The following USP31 variants were observed in gnomAD, a reference collection of about 807,000 sequenced individuals.
USP31 encodes the protein ubiquitin specific peptidase 31, also known as ubiquitin carboxyl-terminal hydrolase 31.
A neutral mutation model predicts 119.4 loss-of-function variants in USP31; 44 were observed. The ratio of observed to expected loss-of-function variants is 0.37; its 90% CI spans 0.29 to 0.47. The LOEUF is 0.47. Among genes scored for constraint, USP31 ranks in the 20% least tolerant of loss-of-function variants. The pLI is 0.99. For synonymous variants in USP31, 749 were observed against 705.6 expected (o/e 1.06, Z -0.97); for missense variants, 1,643 against 1,730.2 (o/e 0.95, Z 0.89).
At chr16:23,078,254 G>C (rs190470868) in intron 13 of USP31, among the ~76,000 whole-genome samples, 41 of 148,022 alleles carry the variant, frequency 2.8e-4, no homozygotes, top group Non-Finnish European at 5.2e-4. Flanking sequence ...GGAGGTTACA[G>C]TGAGCCTAGA....
In USP31 at chr16:23,112,521, G is replaced by C. The variant is rs1036115370; in HGVS notation, c.634-4338C>G. On this transcript the variant is annotated intron_variant, in intron 1 of 15. Transcript: ENST00000219689. ...ACCCGGGAGGCAGAGGTTGCAGTGA[G>C]CTGAGAACGCGCCATTGCACTCCAG... Among the ~76,000 whole-genome samples the C allele has an allele frequency of 2.0e-5, 3 of 152,064 alleles. No individual in the cohort carries two copies. In the East Asian group the frequency reaches 5.8e-4, roughly 29 times the overall value.
intron 13 of USP31, 56 bp from the exon 14 acceptor site, chr16:23,073,936 C>T (rs762114212): frequency 1.3e-5 from 21 of 1,609,504 alleles, no homozygotes; most frequent in South Asian, 9.9e-5. Context: ...CCACTTCATG[C>T]GACCCACAGA....
rs1444558566 is a variant in USP31 at position 23,096,251 on chromosome 16, C to T, written c.1235-5447G>A. Among the ~76,000 whole-genome samples the T allele has an allele frequency of 4.6e-5, 7 of 152,080 alleles. No homozygotes were observed. In the South Asian group the frequency reaches 1.4e-3, roughly 31 times the overall value. On this transcript the variant is annotated intron_variant, in intron 6 of 15. Transcript: ENST00000219689. ...AAAGATCAAAAGAGAAAAAGAAGGC[C>T]ATTACATAATGGTATAGGGATCAAA...
chr16:23,076,379 C>T (rs1446161818), intron 13 of USP31, among the ~76,000 whole-genome samples: 2 of 151,868 alleles, frequency 1.3e-5, no homozygotes, highest in African/African-American at 4.8e-5. Flanking sequence ...AACTAAGACT[C>T]TAAACATCTC....
At chr16:23,089,253 G>A (rs780785633) in intron 7 of USP31, among the ~76,000 whole-genome samples, 5 of 152,084 alleles carry the variant, frequency 3.3e-5, no homozygotes, top group Non-Finnish European at 7.4e-5. Context: ...GCTTGGCTGC[G>A]GTCTCTTCAG....
Position 23,066,846 on chromosome 16 carries a change from G to A in USP31, c.*1200C>T, listed in dbSNP as rs1179085268. ...TCCAAAACCTGCTTGTGAGTTCTGG[G>A]CATGAGATGAAATCTTAAGAACAAA... On this transcript the variant is annotated 3_prime_UTR_variant, in exon 16 of 16. Transcript: ENST00000219689. 2 of 152,142 alleles carry A rather than the reference G, an allele frequency of 1.3e-5. No individual in the cohort carries two copies. Among genetic ancestry groups the A allele is most frequent in the Non-Finnish European group, 2.9e-5 (2 of 68,038 alleles). 9.4% of individuals were successfully genotyped at this position (152,142 alleles called of 1,614,324 possible).
At chr16:23,071,088 C>T (rs191425817) in intron 15 of USP31, among the ~76,000 whole-genome samples, 13 of 152,122 alleles carry the variant, frequency 8.5e-5, no homozygotes, top group Middle Eastern at 3.4e-3. Flanking sequence ...TGTGAGGAGC[C>T]GGAAGGAGCT....
rs1372190479 is a variant in USP31, at chr16:23,068,026, ACACTTTGATTGCAGAAATAT to A, written c.4059_*19del. On this transcript the variant is annotated stop_lost and 3_prime_UTR_variant, in exon 16 of 16. Transcript: ENST00000219689. ...ATAAATAAACATCTTTACAGATAAAACACTTTGATTGCAGAAATATCACTGAGGTTTTTGAGAAGGCCGTG... is the reference window on the plus strand; with the variant it reads ...ATAAATAAACATCTTTACAGATAAAACACTGAGGTTTTTGAGAAGGCCGTG... The A allele has an allele frequency of 6.3e-7, 1 of 1,594,516 alleles. No individual in the cohort carries two copies. The highest frequency in any genetic ancestry group is 8.5e-7 in the Non-Finnish European group (1 of 1,170,596).
At chr16:23,147,135 A>G (rs1228974957) in intron 1 of USP31, among the ~76,000 whole-genome samples, 1 of 151,912 alleles carries the variant, frequency 6.6e-6, no homozygotes. Flanking sequence ...TTTTACAGAT[A>G]GAGTTTCCTG....
chr16:23,076,903 A>C (rs1900600322), intron 13 of USP31, among the ~76,000 whole-genome samples: 1 of 152,228 alleles, frequency 6.6e-6, no homozygotes, highest in South Asian at 2.1e-4. Flanking sequence ...CTACCAGTCC[A>C]CAAGTATAGA....
intron 1 of USP31, among the ~76,000 whole-genome samples, chr16:23,112,305 A>G (rs573526457): frequency 1.4e-4 from 21 of 152,278 alleles, no homozygotes; most frequent in African/African-American, 4.8e-4. Context: ...CGGCCCGGAC[A>G]TGGTGGCTCA....
intron 6 of USP31, among the ~76,000 whole-genome samples, chr16:23,101,231 G>A (rs778652271): frequency 6.6e-6 from 1 of 152,256 alleles, no homozygotes; most frequent in South Asian, 2.1e-4. Flanking sequence ...AGAATAAAGG[G>A]GAAAAATGCA....
rs557524342 is a variant in USP31 at position 23,066,352 on chromosome 16, G to A, written c.*1694C>T. The stretch of plus-strand genomic sequence containing the variant: ...AAGTTACCGGCTAATGCGCAAATTA[G>A]CAGCAAAATAAAGTTAAGTAACGTA... On this transcript the variant is annotated 3_prime_UTR_variant, in exon 16 of 16. Coordinates refer to ENST00000219689, the MANE Select transcript of USP31 (RefSeq NM_020718.4). The A allele has an allele frequency of 6.6e-6, 1 of 152,464 alleles. No individual in the cohort carries two copies. The highest frequency in any genetic ancestry group is 1.5e-5 in the Non-Finnish European group (1 of 68,014). The allele number at this position is 152,464 out of a possible 1,614,324, so 9.4% of individuals were successfully genotyped here. A position where few individuals can be genotyped will look rare whatever the true frequency, so the allele number is the denominator to read the frequency against.
intron 13 of USP31, among the ~76,000 whole-genome samples, chr16:23,074,759 G>T (rs540310423): frequency 1.3e-5 from 2 of 152,262 alleles, no homozygotes; most frequent in Non-Finnish European, 1.5e-5. Flanking sequence ...TAGAAATAAA[G>T]AACATTCAAG....
At chr16:23,082,192 C>A (rs1306012004) in intron 12 of USP31, among the ~76,000 whole-genome samples, 1 of 152,182 alleles carries the variant, frequency 6.6e-6, no homozygotes, top group Non-Finnish European at 1.5e-5. Context: ...GTACACTTAA[C>A]AAAATTTAGG....
chr16:23,147,051 G>A (rs1903533079), intron 1 of USP31, among the ~76,000 whole-genome samples: 1 of 151,248 alleles, frequency 6.6e-6, no homozygotes, highest in South Asian at 2.1e-4. Flanking sequence ...TCCTGGGCAA[G>A]ATTAGGATAG....
Position 23,116,354 on chromosome 16 carries a change from T to G in USP31, c.634-8171A>C, listed in dbSNP as rs189307508. On this transcript the variant is annotated intron_variant, in intron 1 of 15. Transcript: ENST00000219689. Reference sequence around the variant, plus strand: ...TGGGCTGCTGCTGGAAATAAAATAATAAGCACTTGTCTTGAGAAAAGTTTC... The same window carrying G: ...TGGGCTGCTGCTGGAAATAAAATAAGAAGCACTTGTCTTGAGAAAAGTTTC... 2.3e-3 allele frequency among the ~76,000 whole-genome samples: 346 copies of G among 152,304 alleles called. 3 individuals are homozygous for G. The highest frequency in any genetic ancestry group is 7.7e-3 in the African/African-American group (320 of 41,586).
At chr16:23,124,480 C>T (rs951664976) in intron 1 of USP31, among the ~76,000 whole-genome samples, 2 of 152,206 alleles carry the variant, frequency 1.3e-5, no homozygotes, top group African/African-American at 2.4e-5. Flanking sequence ...ATGTATCATA[C>T]TGAGAAGTGA....
Position 23,119,201 on chromosome 16 carries a change from C to T in USP31, c.634-11018G>A, listed in dbSNP as rs545524720. 4.0e-3 allele frequency among the ~76,000 whole-genome samples: 602 copies of T among 151,428 alleles called. 7 individuals are homozygous for T. Among genetic ancestry groups the T allele is most frequent in the African/African-American group, 0.013 (549 of 41,286 alleles). The stretch of plus-strand genomic sequence containing the variant: ...GCGACCTCCGCCTCCCGAGTTCAAG[C>T]GATTCTTCTGCCTCAGCCTCCCAAG... On this transcript the variant is annotated intron_variant, in intron 1 of 15. Transcript: ENST00000219689.
Sources: allele counts gnomAD v4.1 joint callset (sites outside exome capture counted in the v4.1 genomes callset), GRCh38; gene constraint gnomAD v4.1.1; transcripts MANE v1.5; gene names NCBI Gene and HGNC (gene_info 2026-07-23, HGNC 2026-07-21).